JPH3: variants seen among roughly 807,000 people sequenced by gnomAD.
The protein encoded by JPH3 is junctophilin-3.
A neutral mutation model predicts 59.6 loss-of-function variants in JPH3; 11 were observed. The ratio of observed to expected loss-of-function variants is 0.18; its 90% CI spans 0.12 to 0.31. The LOEUF (loss-of-function observed/expected upper bound fraction) is 0.31. Among genes scored for constraint, JPH3 ranks in the 10% least tolerant of loss-of-function variants. The pLI, the probability that JPH3 is intolerant of heterozygous loss-of-function variation, is 1.00. For synonymous variants in JPH3, 673 were observed against 483.6 expected, an observed-to-expected ratio of 1.39 and a Z score of -5.14; for missense variants, 1,202 against 1,105.7, an observed-to-expected ratio of 1.09 and a Z score of -1.24.
At chr16:87,621,420 G>C (rs1348411040) in intron 1 of JPH3, among the ~76,000 whole-genome samples, 1 of 152,216 alleles carries the variant, frequency 6.6e-6, no homozygotes, top group Admixed American at 6.5e-5. Flanking sequence ...TCTGGGCCTG[G>C]TTCTGAGCCC....
intron 2 of JPH3, among the ~76,000 whole-genome samples, chr16:87,660,484 A>C (rs1232694490): frequency 2.6e-5 from 4 of 151,738 alleles, no homozygotes; most frequent in African/African-American, 4.8e-5. Context: ...CCTTTTGCCC[A>C]CCCCCACCAG....
At chr16:87,692,642 C>T (rs563733980) in intron 4 of JPH3, among the ~76,000 whole-genome samples, 1 of 152,140 alleles carries the variant, frequency 6.6e-6, no homozygotes, top group African/African-American at 2.4e-5. Context: ...GTGTAGGGCC[C>T]TGGCAATTCA....
chr16:87,690,004 C>T lies in JPH3; in HGVS notation c.1644C>T (p.Arg548=), dbSNP rs2033522405. 1.3e-6 allele frequency: 2 copies of T among 1,510,230 alleles called. No individual in the cohort carries two copies. 93.6% of individuals were successfully genotyped at this position (1,510,230 alleles called of 1,614,324 possible). Residue 548 remains arginine, a synonymous_variant, in exon 4 of 5, where the codon CGC becomes CGT. Transcript: ENST00000284262. The stretch of plus-strand genomic sequence containing the variant: ...GGGGTGTCCGCAGCGGTGCCCTGCG[C>T]GGCGGCCTGCTCGTGGATGACTTCC... ...GSRGVRSGAL[R]GGLLVDDFRT... is the part of the protein sequence containing the mutation.
At chr16:87,695,766 G>T (rs2142851864) in intron 4 of JPH3, 1 of 456,114 alleles carries the variant, frequency 2.2e-6, no homozygotes, top group East Asian at 6.9e-5. Context: ...CAGAGTGCAG[G>T]ACTGCAAGAA....
At chr16:87,679,103 C>T (rs2033222038) in intron 2 of JPH3, among the ~76,000 whole-genome samples, 2 of 152,214 alleles carry the variant, frequency 1.3e-5, no homozygotes, top group African/African-American at 4.8e-5. Flanking sequence ...AGTGGGGCCC[C>T]CGTGTGCCCA....
At chr16:87,669,966 C>T (rs2032972223) in intron 2 of JPH3, among the ~76,000 whole-genome samples, 1 of 152,174 alleles carries the variant, frequency 6.6e-6, no homozygotes, top group Non-Finnish European at 1.5e-5. Flanking sequence ...GTGTCAGCTC[C>T]AGCCGTGGGG....
chr16:87,677,174 C>CTATATA (rs59009330), intron 2 of JPH3, among the ~76,000 whole-genome samples: 63 of 119,176 alleles, frequency 5.3e-4, no homozygotes, highest in African/African-American at 1.7e-3. Flanking sequence ...CACACACGCA[C>CTATATA]TATATATATA....
chr16:87,685,698 C>T (rs2033400647), intron 3 of JPH3, among the ~76,000 whole-genome samples: 1 of 152,246 alleles, frequency 6.6e-6, no homozygotes, highest in South Asian at 2.1e-4. Context: ...CATGGGATTC[C>T]ACGTACCAAC....
rs191432721 is a variant in JPH3 at position 87,677,637 on chromosome 16, C to T, written c.1161-6505C>T. Among the ~76,000 whole-genome samples, 35 of 152,308 alleles carry T rather than the reference C, an allele frequency of 2.3e-4. No homozygotes were observed. In the East Asian group the frequency reaches 5.0e-3, roughly 22 times the overall value. On this transcript the variant is annotated intron_variant, in intron 2 of 4. Transcript: ENST00000284262. Reference sequence around the variant, plus strand: ...TGGTGAACGTGGACAGCGTGGCCCCCGTCATACCTTCTCGCCAGCTGACGG... The same window carrying T: ...TGGTGAACGTGGACAGCGTGGCCCCTGTCATACCTTCTCGCCAGCTGACGG...
At chr16:87,641,778 C>T (rs534735043) in intron 1 of JPH3, among the ~76,000 whole-genome samples, 34 of 152,386 alleles carry the variant, frequency 2.2e-4, no homozygotes, top group African/African-American at 7.0e-4. Context: ...TTGCACGCCC[C>T]TTCTCTGCCC....
chr16:87,668,269 C>T (rs1193945059), intron 2 of JPH3, among the ~76,000 whole-genome samples: 1 of 152,154 alleles, frequency 6.6e-6, no homozygotes, highest in African/African-American at 2.4e-5. Context: ...CTGACAGCAG[C>T]GCTGCTGTCT....
chr16:87,603,076 C>T lies in JPH3; in HGVS notation c.-71C>T. The T allele has an allele frequency of 6.3e-7, 1 of 1,587,998 alleles. No individual in the cohort carries two copies. On this transcript the variant is annotated 5_prime_UTR_variant, in exon 1 of 5. Transcript: ENST00000284262. ...GCTCGCGACCCAGGGCCGCCGGCGG[C>T]CGCGACTCTGCTGTGTCGATCGCCT...
intron 1 of JPH3, chr16:87,604,478 C>G (rs1232210455): frequency 2.2e-6 from 3 of 1,347,070 alleles, no homozygotes; most frequent in Admixed American, 2.3e-5. Flanking sequence ...CTTCCCCGAC[C>G]AGTCCACTCC....
chr16:87,639,567 GA>G (rs2031870446), intron 1 of JPH3, among the ~76,000 whole-genome samples: 1 of 151,504 alleles, frequency 6.6e-6, no homozygotes, highest in Non-Finnish European at 1.5e-5. Flanking sequence ...TTCCCAAACC[GA>G]AACTCTGTCC....
chr16:87,697,546 GT>G lies in JPH3; in HGVS notation c.*887del, dbSNP rs986917688. 6.6e-6 allele frequency: 1 copy of G among 152,414 alleles called. No individual in the cohort carries two copies. The highest frequency in any genetic ancestry group is 2.4e-5 in the African/African-American group (1 of 41,438). The allele number at this position is 152,414 out of a possible 1,614,324, so 9.4% of individuals were successfully genotyped here. A position where few individuals can be genotyped will look rare whatever the true frequency, so the allele number is the denominator to read the frequency against. ...GCAGGGTGGACGCGTGGGGTTCCGT[GT>G]CCCCAGCAGTGAGGGCCCTAGAGGA... On this transcript the variant is annotated 3_prime_UTR_variant, in exon 5 of 5. Coordinates refer to ENST00000284262, the MANE Select transcript of JPH3 (RefSeq NM_020655.4).
chr16:87,671,966 G>A (rs1277729248), intron 2 of JPH3, among the ~76,000 whole-genome samples: 4 of 152,210 alleles, frequency 2.6e-5, no homozygotes, highest in South Asian at 2.1e-4. Context: ...GGGGGTGGCC[G>A]CACCCAGCCT....
At chr16:87,631,605 C>A (rs952869608) in intron 1 of JPH3, among the ~76,000 whole-genome samples, 4 of 152,126 alleles carry the variant, frequency 2.6e-5, no homozygotes, top group African/African-American at 9.7e-5. Flanking sequence ...TATCTGTGAG[C>A]CCTCCAGTCT....
chr16:87,664,779 A>C (rs2032811086), intron 2 of JPH3, among the ~76,000 whole-genome samples: 1 of 151,976 alleles, frequency 6.6e-6, no homozygotes, highest in Non-Finnish European at 1.5e-5. Context: ...CCCACAGCTC[A>C]CATGTGGAAA....
intron 2 of JPH3, among the ~76,000 whole-genome samples, chr16:87,666,438 C>T (rs1005227024): frequency 1.3e-5 from 2 of 151,346 alleles, no homozygotes; most frequent in Non-Finnish European, 2.9e-5. Context: ...TTTGCCCAGG[C>T]TGGAGTACAG....
Sources: gnomAD v4.1 joint callset for allele counts (sites outside exome capture counted in the v4.1 genomes callset) on GRCh38, gnomAD v4.1.1 for gene constraint, MANE v1.5 for transcripts, NCBI Gene and HGNC (gene_info 2026-07-23, HGNC 2026-07-21) for gene names.